The following REXO2 variants were observed in gnomAD, a reference collection of about 807,000 sequenced individuals.
The protein encoded by REXO2 is RNA exonuclease 2, also known as oligoribonuclease, mitochondrial.
REXO2 carries 17 observed loss-of-function variants against 30.9 expected under a neutral mutation model. The ratio of observed to expected loss-of-function variants is 0.55; its 90% confidence interval spans 0.38 to 0.82. The LOEUF (loss-of-function observed/expected upper bound fraction) is 0.82. Ranked by LOEUF, REXO2 falls within the 40% of genes least tolerant of loss-of-function variation. The pLI, the probability that REXO2 is intolerant of heterozygous loss-of-function variation, is 0.00. For missense variants in REXO2, 253 were observed against 293.2 expected, an observed-to-expected ratio of 0.86 and a Z score of 1.00; for synonymous variants, 105 against 99.6, an observed-to-expected ratio of 1.05 and a Z score of -0.32.
At chr11:114,448,438 A>G (rs1034201195) in intron 6 of REXO2, among the ~76,000 whole-genome samples, 1 of 152,186 alleles carries the variant, frequency 6.6e-6, no homozygotes, top group Non-Finnish European at 1.5e-5. Context: ...TAAGGGTAGC[A>G]TTTATTAAAC....
At chr11:114,442,349 A>C (rs545151262) in intron 2 of REXO2, among the ~76,000 whole-genome samples, 1 of 152,032 alleles carries the variant, frequency 6.6e-6, no homozygotes, top group South Asian at 2.1e-4. Context: ...TTTTTCCATC[A>C]TTGTTAGTAT....
rs369711771 is a variant in REXO2, at chr11:114,450,017, A to G, written c.*42A>G. ...GCCACTACATCGTTATCTGGAGGCA[A>G]CTTCTGGTGGTTTTTTTTTCTCACG... On this transcript the variant is annotated 3_prime_UTR_variant, in exon 7 of 7. Coordinates refer to ENST00000265881, the MANE Select transcript of REXO2 (RefSeq NM_015523.4). The G allele has an allele frequency of 4.5e-6, 7 of 1,542,988 alleles. No individual in the cohort carries two copies. The South Asian group carries it at 5.0e-5, about 11-fold the overall frequency.
rs779998459 is a variant in REXO2 at position 114,444,183 on chromosome 11, A to C, written c.309+250A>C. ...GTCGCGAACGCATTGTGGATTGTCA[A>C]GTATTACTCAAGTCAGTCTTTTGGA... is the stretch of plus-strand genomic sequence containing the variant. On this transcript the variant is annotated intron_variant, in intron 3 of 6. Coordinates refer to ENST00000265881, the MANE Select transcript of REXO2 (RefSeq NM_015523.4). 119 of 619,480 alleles carry C rather than the reference A, an allele frequency of 1.9e-4. 2 individuals are homozygous for C. Among genetic ancestry groups the C allele is most frequent in the South Asian group, 1.8e-3 (116 of 66,032 alleles). The allele number at this position is 619,480 out of a possible 1,614,324, so 38.4% of individuals were successfully genotyped here.
intron 2 of REXO2, among the ~76,000 whole-genome samples, chr11:114,441,465 A>G (rs80234948): frequency 0.042 from 6,327 of 152,334 alleles, 157 homozygotes; most frequent in Middle Eastern, 0.092. Flanking sequence ...AACATTTAGC[A>G]AAACAAAACA....
chr11:114,446,273 C>T (rs996665884), intron 5 of REXO2, 186 bp downstream of exon 5: 13 of 397,286 alleles, frequency 3.3e-5, no homozygotes, highest in Middle Eastern at 6.2e-4. Flanking sequence ...GGAGCAACAA[C>T]GTCAGACATG....
chr11:114,445,752 G>T (rs1946506557), intron 4 of REXO2: 1 of 433,708 alleles, frequency 2.3e-6, no homozygotes, highest in Non-Finnish European at 4.2e-6. Flanking sequence ...CTGTTCATGA[G>T]AGGTCATTTA....
At position 114,440,859 on chromosome 11, in the gene REXO2, A is replaced by G. The variant is rs117294289; in HGVS notation, c.231+120A>G. On this transcript the variant is annotated intron_variant, in intron 2 of 6. Transcript: ENST00000265881. ...GTTGAGGTCTATATGGGTTAAGGTAATGTGCTAGGTCATGGTAGGGGTGGT... is the reference window on the plus strand; with the variant it reads ...GTTGAGGTCTATATGGGTTAAGGTAGTGTGCTAGGTCATGGTAGGGGTGGT... The G allele has an allele frequency of 1.6e-3, 1,128 of 720,848 alleles. 3 individuals carry two copies. The highest frequency in any genetic ancestry group is 2.4e-3 in the Non-Finnish European group (1,022 of 428,488). The allele number at this position is 720,848 out of a possible 1,614,324, so 44.7% of individuals were successfully genotyped here.
chr11:114,447,011 T>C (rs1179740560), intron 5 of REXO2, among the ~76,000 whole-genome samples: 5 of 141,412 alleles, frequency 3.5e-5, no homozygotes, highest in Admixed American at 7.7e-5. Context: ...CGATCTCCGC[T>C]CACTGCAAGC....
intron 4 of REXO2, 114 bp downstream of exon 4, chr11:114,444,766 G>A (rs1038066885): frequency 1.5e-5 from 8 of 523,132 alleles, no homozygotes; most frequent in Non-Finnish European, 9.3e-6. Flanking sequence ...ACCCTGCTTT[G>A]GGTTACACAT....
chr11:114,444,128 C>G (rs1364059453), intron 3 of REXO2, 195 bp downstream of exon 3: 1 of 661,716 alleles, frequency 1.5e-6, no homozygotes, highest in African/African-American at 1.8e-5. Flanking sequence ...TCCTGAATGT[C>G]CTCTTTTTTT....
At chr11:114,445,176 A>G (rs755057356) in intron 4 of REXO2, 1 of 152,190 alleles carries the variant, frequency 6.6e-6, no homozygotes, top group African/African-American at 2.4e-5. Flanking sequence ...TTGAACCAGG[A>G]TTCAGTCAAG....
At chr11:114,444,073 T>G (rs1946497076) in intron 3 of REXO2, 140 bp downstream of exon 3, 1 of 712,414 alleles carries the variant, frequency 1.4e-6, no homozygotes. Context: ...GGGAAACTGC[T>G]TGCTTGTTTA....
intron 3 of REXO2, 196 bp downstream of exon 3, chr11:114,444,129 C>T (rs1465252355): frequency 1.5e-6 from 1 of 660,318 alleles, no homozygotes; most frequent in South Asian, 1.5e-5. Flanking sequence ...CCTGAATGTC[C>T]TCTTTTTTTT....
chr11:114,446,835 A>G (rs1946512152), intron 5 of REXO2, among the ~76,000 whole-genome samples: 1 of 151,318 alleles, frequency 6.6e-6, no homozygotes, highest in South Asian at 2.1e-4. Context: ...CTTGCAAGGA[A>G]TGGGGTTCCT....
Position 114,439,608 on chromosome 11 carries a change from G to T in REXO2, c.80G>T (p.Arg27Leu). Residue 27 changes from arginine to leucine, a missense_variant, in exon 1 of 7, where the codon CGC becomes CTC. Transcript: ENST00000265881. ...GGACGGTTCGGGGCCCGAGGTGTCCGCGAAGGTGGCGCAGCCATGGCGGCA... is the reference window on the plus strand; with the variant it reads ...GGACGGTTCGGGGCCCGAGGTGTCCTCGAAGGTGGCGCAGCCATGGCGGCA... ...SHGRFGARGV[R>L]EGGAAMAAGE... 6.2e-7 allele frequency: 1 copy of T among 1,605,476 alleles called. No homozygotes were observed.
intron 6 of REXO2, 63 bp downstream of exon 6, chr11:114,447,942 C>G: frequency 7.9e-7 from 1 of 1,273,690 alleles, no homozygotes; most frequent in South Asian, 1.2e-5. Context: ...AAATTCCTGA[C>G]TGCTTGAAAT....
chr11:114,443,760 A>G (rs1946495092), intron 2 of REXO2, 96 bp from the exon 3 acceptor site: 1 of 803,554 alleles, frequency 1.2e-6, no homozygotes, highest in Admixed American at 2.4e-5. Context: ...TTTCTCTGAT[A>G]TGTATATTTA....
At position 114,450,149 on chromosome 11, in the gene REXO2, T is replaced by C. The variant is rs1017386596; in HGVS notation, c.*174T>C. ...TTCTCCTAATATGCTGTTTCCATTA[T>C]GACACAGCAGCTCCTTTGTAAGTAC... On this transcript the variant is annotated 3_prime_UTR_variant, in exon 7 of 7. Transcript: ENST00000265881. 7.7e-6 allele frequency: 4 copies of C among 517,638 alleles called. No homozygotes were observed. Among genetic ancestry groups the C allele is most frequent in the East Asian group, 4.1e-5 (1 of 24,430 alleles). The allele number at this position is 517,638 out of a possible 1,614,324, so 32.1% of individuals were successfully genotyped here. A position where few individuals can be genotyped will look rare whatever the true frequency, so the allele number is the denominator to read the frequency against.
intron 5 of REXO2, 25 bp from the exon 6 acceptor site, chr11:114,447,801 A>C: frequency 1.3e-6 from 2 of 1,598,400 alleles, no homozygotes; most frequent in African/African-American, 2.7e-5. Context: ...GCTTCCTTTG[A>C]GAGTTCCATT....
Sources: gnomAD v4.1 joint callset for allele counts (sites outside exome capture counted in the v4.1 genomes callset) on GRCh38, gnomAD v4.1.1 for gene constraint, MANE v1.5 for transcripts, NCBI Gene and HGNC (gene_info 2026-07-23, HGNC 2026-07-21) for gene names.